The following RASL12 variants were observed in gnomAD, a reference collection of about 807,000 sequenced individuals.
The protein encoded by RASL12 is RAS like family 12.
RASL12 carries 16 observed loss-of-function variants against 22.9 expected under a neutral mutation model. The observed-to-expected ratio is 0.70, with a 90% confidence interval of 0.47 to 1.06. RASL12 has a LOEUF of 1.06. RASL12 is among the 50% of genes least tolerant of loss of function. The pLI, the probability that RASL12 is intolerant of heterozygous loss-of-function variation, is 0.00. For missense variants in RASL12, 306 were observed against 353.1 expected (o/e 0.87, Z 1.07); for synonymous variants, 159 against 152.2 (o/e 1.04, Z -0.33).
chr15:65,049,946 G>T (rs923608490), downstream of RASL12: 2 of 1,386,064 alleles, frequency 1.4e-6, no homozygotes, highest in East Asian at 2.6e-5. Flanking sequence ...GAGGCCAGGA[G>T]GGCTGCTGGG....
At chr15:65,062,100 C>T (rs564397926) in intron 2 of RASL12, among the ~76,000 whole-genome samples, 1 of 151,820 alleles carries the variant, frequency 6.6e-6, no homozygotes, top group South Asian at 2.1e-4. Flanking sequence ...CCTATGTCCT[C>T]GCTGGAGGAG....
At chr15:65,070,731 A>G (rs1358253742), upstream of RASL12, among the ~76,000 whole-genome samples, 1 of 152,216 alleles carries the variant, frequency 6.6e-6, no homozygotes, top group Admixed American at 6.5e-5. Flanking sequence ...CCTTTCATAT[A>G]AAGCTAAGCT....
At chr15:65,052,155 C>T (rs189615823), downstream of RASL12, among the ~76,000 whole-genome samples, 15 of 152,158 alleles carry the variant, frequency 9.9e-5, no homozygotes, top group African/African-American at 3.6e-4. Flanking sequence ...GATGTGTACA[C>T]GATGGGGTTT....
Position 65,054,232 on chromosome 15 carries a change from G to T in RASL12, c.*667C>A, listed in dbSNP as rs1408407340. On this transcript the variant is annotated 3_prime_UTR_variant, in exon 5 of 5. Transcript: ENST00000220062. ...TGTCTGCTGGTGAAAGAACTCTGGG[G>T]CTCCTTATGCTGGACAACCTACAGT... 2.0e-6 allele frequency: 2 copies of T among 985,796 alleles called. No homozygotes were observed. The highest frequency in any genetic ancestry group is 2.4e-6 in the Non-Finnish European group (2 of 829,992). The allele number at this position is 985,796 out of a possible 1,614,324, so 61.1% of individuals were successfully genotyped here.
Position 65,066,041 on chromosome 15 carries a change from T to A in RASL12, c.104-768A>T, listed in dbSNP as rs202202505. ...AAGAAAAGAGAAGAGAAGAGAAGAG[T>A]AGAGAAGAGAAGAGAAGAGAAGAGT... is the stretch of plus-strand genomic sequence containing the variant. On this transcript the variant is annotated intron_variant, in intron 1 of 4. Coordinates refer to ENST00000220062, the MANE Select transcript of RASL12 (RefSeq NM_016563.4). Among the ~76,000 whole-genome samples, 331 of 132,694 alleles carry A rather than the reference T, an allele frequency of 2.5e-3. 2 individuals carry two copies. The highest frequency in any genetic ancestry group is 8.1e-3 in the African/African-American group (280 of 34,506). The allele number at this position is 132,694 out of a possible 152,430, so 87.1% of individuals were successfully genotyped here.
the RASL12 span, among the ~76,000 whole-genome samples, chr15:65,047,636 C>T: frequency 6.6e-6 from 1 of 152,288 alleles, no homozygotes; most frequent in African/African-American, 2.4e-5. Flanking sequence ...ACATCTGAGA[C>T]TGGATGGAAT....
In RASL12 at chr15:65,055,017, T is replaced by G. The variant is rs2086708301; in HGVS notation, c.683A>C (p.Asn228Thr). 6.2e-7 allele frequency: 1 copy of G among 1,613,846 alleles called. No individual in the cohort carries two copies. The highest frequency in any genetic ancestry group is 8.5e-7 in the Non-Finnish European group (1 of 1,179,942). ...GGCCACAGTGGGCATCTCCTTCAGG[T>G]TGATGGTGGAGAGCGTGTTGAAGGT... is the stretch of plus-strand genomic sequence containing the variant. ...SCTFNTLSTINLKEMPTVAQA... is the reference protein window; with the variant it reads ...SCTFNTLSTITLKEMPTVAQA... Residue 228 changes from asparagine (N) to threonine (T), a missense_variant, in exon 5 of 5, where the codon AAC becomes ACC. Physicochemically the swap from Asn to Thr is moderately conservative, Grantham distance 65. Coordinates refer to ENST00000220062, the MANE Select transcript of RASL12 (RefSeq NM_016563.4).
chr15:65,062,376 A>T (rs2086819266), intron 2 of RASL12, among the ~76,000 whole-genome samples: 1 of 152,202 alleles, frequency 6.6e-6, no homozygotes, highest in African/African-American at 2.4e-5. Flanking sequence ...ACCACAGCTC[A>T]GAGGGCCCCA....
chr15:65,059,716 C>T (rs546622613), intron 2 of RASL12, among the ~76,000 whole-genome samples: 13 of 152,304 alleles, frequency 8.5e-5, no homozygotes, highest in African/African-American at 2.9e-4. Flanking sequence ...GAGTGTGTGG[C>T]CCCTAGACCC....
chr15:65,068,941 C>G (rs555497348), upstream of RASL12, among the ~76,000 whole-genome samples: 1 of 152,218 alleles, frequency 6.6e-6, no homozygotes, highest in Non-Finnish European at 1.5e-5. This position sits in a 1 kb window ranked among gnomAD's most constrained non-coding sequence, Gnocchi z 4.2. Flanking sequence ...AGAATCAGCC[C>G]TGGGCTCCAG....
Position 65,058,722 on chromosome 15 carries a change from T to C in RASL12, c.235-105A>G, listed in dbSNP as rs1448466219. On this transcript the variant is annotated intron_variant, in intron 3 of 4. Transcript: ENST00000220062. ...CTCCCCACTCCCCGGTCTTTGTATA[T>C]TGTTTCTCAGCAGAGCCCTTTCAAA... is the stretch of plus-strand genomic sequence containing the variant. The C allele has an allele frequency of 4.7e-6, 4 of 856,356 alleles. No individual in the cohort carries two copies. The African/African-American group carries it at 5.2e-5, about 11-fold the overall frequency. 53.0% of individuals were successfully genotyped at this position (856,356 alleles called of 1,614,324 possible).
upstream of RASL12, among the ~76,000 whole-genome samples, chr15:65,070,649 G>A (rs1353072838): frequency 6.6e-6 from 1 of 152,162 alleles, no homozygotes; most frequent in Non-Finnish European, 1.5e-5. Flanking sequence ...AGCAAATATA[G>A]GTCTAGACAC....
upstream of RASL12, among the ~76,000 whole-genome samples, chr15:65,068,534 G>A (rs1197074598): frequency 6.6e-6 from 1 of 152,190 alleles, no homozygotes; most frequent in East Asian, 1.9e-4. This position sits in a 1 kb window ranked among gnomAD's most constrained non-coding sequence, Gnocchi z 4.2. Flanking sequence ...CCCTCACTAA[G>A]ATTTCAGGGC....
chr15:65,053,154 C>T (rs1198881480), downstream of RASL12: 21 of 1,613,868 alleles, frequency 1.3e-5, no homozygotes, highest in Non-Finnish European at 1.8e-5. Context: ...GTACCAGAAA[C>T]TGAGAGCTAG....
chr15:65,050,023 G>A (rs1595900055), downstream of RASL12: 1 of 1,551,450 alleles, frequency 6.4e-7, no homozygotes, highest in South Asian at 1.2e-5. Flanking sequence ...CAGTGAGGGG[G>A]CTCCCGGAGA....
upstream of RASL12, among the ~76,000 whole-genome samples, chr15:65,072,632 C>T (rs1223016477): frequency 6.6e-6 from 1 of 152,132 alleles, no homozygotes; most frequent in Non-Finnish European, 1.5e-5. Context: ...CATTCCATCC[C>T]AAGCTCCACT....
rs1249766960 is a variant in RASL12 at position 65,065,226 on chromosome 15, G to A, written c.151C>T (p.Pro51Ser). 1.2e-6 allele frequency: 2 copies of A among 1,612,498 alleles called. No individual in the cohort carries two copies. The highest frequency in any genetic ancestry group is 1.7e-6 in the Non-Finnish European group (2 of 1,179,444). ...LTKRFISEYDPNLEDTYSSEE... is the reference protein window; with the variant it reads ...LTKRFISEYDSNLEDTYSSEE... The stretch of plus-strand genomic sequence containing the variant: ...GGGAGTAGTTTCTTACCCAAGTTGG[G>A]GTCATATTCACTGATAAACCTCTTG... The change falls in exon 2 of 5, where the codon CCC becomes TCC. Residue 51 changes from proline (P) to serine (S), a missense_variant. Coordinates refer to ENST00000220062, the MANE Select transcript of RASL12 (RefSeq NM_016563.4).
chr15:65,051,861 G>A (rs562137542), downstream of RASL12, among the ~76,000 whole-genome samples: 7 of 152,204 alleles, frequency 4.6e-5, no homozygotes, highest in Non-Finnish European at 1.0e-4. Context: ...GAGGAGTGTA[G>A]CCATTCAGAA....
At chr15:65,057,906 T>A (rs112880531) in intron 4 of RASL12, among the ~76,000 whole-genome samples, 3 of 152,312 alleles carry the variant, frequency 2.0e-5, no homozygotes, top group African/African-American at 7.2e-5. Context: ...GTGCAGTTGC[T>A]GTGTGACCCA....
Sources: allele counts gnomAD v4.1 joint callset (sites outside exome capture counted in the v4.1 genomes callset), GRCh38; gene constraint gnomAD v4.1.1; non-coding constraint Gnocchi (gnomAD v3.1); transcripts MANE v1.5; gene names NCBI Gene and HGNC (gene_info 2026-07-23, HGNC 2026-07-21).